CNTN5: variants seen among roughly 807,000 people sequenced by gnomAD.
The protein encoded by CNTN5 is contactin 5, also known as contactin-5.
Under a neutral mutation model 129.1 loss-of-function variants are expected in CNTN5, and 77 were observed. The ratio of observed to expected loss-of-function variants is 0.60; its 90% CI spans 0.50 to 0.72. CNTN5 has a LOEUF of 0.72. Among genes scored for constraint, CNTN5 ranks in the 30% least tolerant of loss-of-function variants. CNTN5 has a pLI of 0.00. For missense variants in CNTN5, 1,478 were observed against 1,328.8 expected, an observed-to-expected ratio of 1.11 and a Z score of -1.75; for synonymous variants, 509 against 465.6, an observed-to-expected ratio of 1.09 and a Z score of -1.20.
chr11:99,941,473 T>C (rs1950433692), intron 7 of CNTN5, among the ~76,000 whole-genome samples: 1 of 151,804 alleles, frequency 6.6e-6, no homozygotes, highest in Admixed American at 6.6e-5. Context: ...GGAGGTATGG[T>C]AATGGACAAA....
intron 1 of CNTN5, among the ~76,000 whole-genome samples, chr11:99,138,733 A>G (rs537563240): frequency 1.3e-5 from 2 of 152,316 alleles, no homozygotes; most frequent in East Asian, 3.9e-4. Flanking sequence ...TAACATGAGA[A>G]GTCAGTGCTA....
At chr11:99,835,067 T>A (rs1163036249) in intron 4 of CNTN5, among the ~76,000 whole-genome samples, 4 of 152,198 alleles carry the variant, frequency 2.6e-5, no homozygotes, top group African/African-American at 9.6e-5. Flanking sequence ...TCAAAAAGTT[T>A]ATGTTCCCCT....
chr11:99,396,810 C>A (rs1667608978), intron 2 of CNTN5, among the ~76,000 whole-genome samples: 1 of 151,516 alleles, frequency 6.6e-6, no homozygotes, highest in South Asian at 2.1e-4. Flanking sequence ...GTGATGTCAG[C>A]CTTTAACACT....
chr11:99,804,469 T>G (rs1042499190), intron 3 of CNTN5, among the ~76,000 whole-genome samples: 5 of 151,506 alleles, frequency 3.3e-5, no homozygotes, highest in African/African-American at 4.8e-5. Flanking sequence ...AACATGTCAA[T>G]CCCCTCAATT....
intron 6 of CNTN5, among the ~76,000 whole-genome samples, chr11:99,909,927 G>T (rs1051442120): frequency 1.3e-5 from 2 of 151,964 alleles, no homozygotes; most frequent in Non-Finnish European, 2.9e-5. Flanking sequence ...AAACCTGCAC[G>T]TTGTGCACAT....
chr11:99,332,314 A>G (rs1866033982), intron 2 of CNTN5, among the ~76,000 whole-genome samples: 1 of 222 alleles, frequency 4.5e-3, no homozygotes, highest in African/African-American at 0.011. Context: ...GTCTCATCTT[A>G]TATGAAATAA....
intron 2 of CNTN5, among the ~76,000 whole-genome samples, chr11:99,508,686 C>CTTTCTTTTTTTTTTT (rs11281160): frequency 0.051 from 7,375 of 146,012 alleles, 276 homozygotes; most frequent in Non-Finnish European, 0.078. Context: ...TCTTTTCTTT[C>CTTTCTTTTTTTTTTT]TTTTTTTTTT....
At chr11:100,268,630 T>A (rs1013174444) in intron 17 of CNTN5, among the ~76,000 whole-genome samples, 2 of 152,184 alleles carry the variant, frequency 1.3e-5, no homozygotes, top group African/African-American at 4.8e-5. Context: ...ATAGCAGTTT[T>A]TATGTAATGG....
rs1947645973 is a variant in CNTN5, at chr11:99,845,172, A to G, written c.487A>G (p.Ser163Gly). Residue 163 changes from serine to glycine, a missense_variant, in exon 6 of 25, where the codon AGT becomes GGT. By Grantham distance (56) the Ser-to-Gly change is moderately conservative. Coordinates refer to ENST00000524871, the MANE Select transcript of CNTN5 (RefSeq NM_014361.4). ...TGGCACCTTCATTATAAGCAATCCA[A>G]GTGAAGCAAAGGATTCTGGTCATTA... ...IDGTFIISNPSEAKDSGHYQC... is the reference protein window; with the variant it reads ...IDGTFIISNPGEAKDSGHYQC... 1.2e-6 allele frequency: 2 copies of G among 1,613,770 alleles called. No homozygotes were observed. Among genetic ancestry groups the G allele is most frequent in the African/African-American group, 1.3e-5 (1 of 75,028 alleles).
intron 3 of CNTN5, among the ~76,000 whole-genome samples, chr11:99,596,531 A>AT (rs1377284719): frequency 6.6e-6 from 1 of 152,206 alleles, no homozygotes; most frequent in East Asian, 1.9e-4. Flanking sequence ...GAAAAAGCTC[A>AT]TAAGCTTCAT....
intron 1 of CNTN5, among the ~76,000 whole-genome samples, chr11:99,075,872 GA>G (rs1565297303): frequency 1.3e-5 from 2 of 152,136 alleles, no homozygotes; most frequent in Non-Finnish European, 2.9e-5. Context: ...AAAAAGCAGT[GA>G]AAAAGATACA....
Position 99,643,074 on chromosome 11 carries a change from C to G in CNTN5, c.55+86805C>G, listed in dbSNP as rs558397146. 2.0e-5 allele frequency among the ~76,000 whole-genome samples: 3 copies of G among 152,240 alleles called. No individual in the cohort carries two copies. In the East Asian group the frequency reaches 5.8e-4, roughly 29 times the overall value. ...AGCAATAACACAGGAATACAGATAT[C>G]TCTGTGGAACACTGATTTTATTTCC... On this transcript the variant is annotated intron_variant, in intron 3 of 24. Coordinates refer to ENST00000524871, the MANE Select transcript of CNTN5 (RefSeq NM_014361.4).
intron 10 of CNTN5, among the ~76,000 whole-genome samples, chr11:100,065,382 G>A (rs2137831266): frequency 6.6e-6 from 1 of 151,936 alleles, no homozygotes; most frequent in Non-Finnish European, 1.5e-5. Context: ...GCTTAGGTAT[G>A]CACATCATTT....
At chr11:100,255,351 T>C (rs1015801660) in intron 16 of CNTN5, among the ~76,000 whole-genome samples, 8 of 147,890 alleles carry the variant, frequency 5.4e-5, no homozygotes, top group Non-Finnish European at 4.5e-5. Flanking sequence ...TAGCCACTTG[T>C]AGTATTTTAG....
intron 13 of CNTN5, among the ~76,000 whole-genome samples, chr11:100,088,613 A>G (rs1163153384): frequency 1.3e-5 from 2 of 152,144 alleles, no homozygotes; most frequent in African/African-American, 4.8e-5. Context: ...GAACACCTCT[A>G]TGCACACAAA....
intron 1 of CNTN5, among the ~76,000 whole-genome samples, chr11:99,197,073 C>A (rs560308217): frequency 6.6e-6 from 1 of 151,962 alleles, no homozygotes; most frequent in African/African-American, 2.4e-5. Flanking sequence ...AGAAAAATGA[C>A]CCTGTTTTCA....
At chr11:99,369,933 C>A (rs1251724063) in intron 2 of CNTN5, among the ~76,000 whole-genome samples, 1 of 152,024 alleles carries the variant, frequency 6.6e-6, no homozygotes, top group Non-Finnish European at 1.5e-5. Flanking sequence ...AAAGTTAAAA[C>A]TTCTGTGAGG....
chr11:100,057,605 T>G (rs1943289500), intron 9 of CNTN5, among the ~76,000 whole-genome samples: 1 of 151,876 alleles, frequency 6.6e-6, no homozygotes, highest in South Asian at 2.1e-4. Flanking sequence ...CCTAAAGATA[T>G]TTGCATTTTG....
chr11:100,335,947 CAT>C (rs1169219087), intron 21 of CNTN5, among the ~76,000 whole-genome samples: 2 of 152,010 alleles, frequency 1.3e-5, no homozygotes, highest in African/African-American at 2.4e-5. Context: ...GATTAAAAAA[CAT>C]ATACTTACAA....
Sources: allele counts gnomAD v4.1 joint callset (sites outside exome capture counted in the v4.1 genomes callset), GRCh38; gene constraint gnomAD v4.1.1; transcripts MANE v1.5; gene names NCBI Gene and HGNC (gene_info 2026-07-23, HGNC 2026-07-21).